ZNF704: variants seen among roughly 807,000 people sequenced by gnomAD.
ZNF704 encodes the protein zinc finger protein 704.
In ZNF704, 10 loss-of-function variants were observed where a neutral mutation model predicts 44.7. The observed-to-expected ratio is 0.22, with a 90% CI of 0.14 to 0.38. The LOEUF is 0.38. Ranked by LOEUF, ZNF704 falls within the 10% of genes least tolerant of loss-of-function variation. The probability of loss-of-function intolerance (pLI) is 1.00; values close to 1 mark genes in which losing one functional copy is unlikely to be tolerated. For missense variants in ZNF704, 390 were observed against 545.5 expected (o/e 0.71, Z 2.84); for synonymous variants, 211 against 207.6 (o/e 1.02, Z -0.14).
chr8:80,753,830 A>G (rs1392924136), intron 2 of ZNF704, among the ~76,000 whole-genome samples: 2 of 152,184 alleles, frequency 1.3e-5, no homozygotes, highest in Non-Finnish European at 2.9e-5. Context: ...GGGTTGATGG[A>G]AAAAATATGC....
chr8:80,852,968 T>C (rs1400459960), intron 1 of ZNF704, among the ~76,000 whole-genome samples: 1 of 152,164 alleles, frequency 6.6e-6, no homozygotes, highest in East Asian at 1.9e-4. Flanking sequence ...TCAAGCACTG[T>C]TAGGTTGCTT....
intron 3 of ZNF704, among the ~76,000 whole-genome samples, chr8:80,689,930 C>T (rs1346402375): frequency 6.6e-6 from 1 of 152,162 alleles, no homozygotes; most frequent in Non-Finnish European, 1.5e-5. Flanking sequence ...GAGACAGGCA[C>T]TGCTGGACTC....
At chr8:80,677,353 G>A (rs1453792521) in intron 4 of ZNF704, among the ~76,000 whole-genome samples, 1 of 152,134 alleles carries the variant, frequency 6.6e-6, no homozygotes, top group East Asian at 1.9e-4. Context: ...AGTAGTTAAG[G>A]TTGGTCCTGA....
At chr8:80,833,245 G>A (rs969004897) in intron 1 of ZNF704, among the ~76,000 whole-genome samples, 11 of 152,184 alleles carry the variant, frequency 7.2e-5, no homozygotes, top group Non-Finnish European at 1.5e-5. Flanking sequence ...AGCTACTCAT[G>A]AGGCTGAGGC....
At chr8:80,789,603 T>C (rs1029961853) in intron 2 of ZNF704, among the ~76,000 whole-genome samples, 2 of 151,936 alleles carry the variant, frequency 1.3e-5, no homozygotes, top group African/African-American at 4.8e-5. Context: ...TTTTAAAAAA[T>C]TGGCCAGGTA....
At chr8:80,799,094 T>G (rs1262277856) in intron 2 of ZNF704, among the ~76,000 whole-genome samples, 1 of 152,202 alleles carries the variant, frequency 6.6e-6, no homozygotes, top group African/African-American at 2.4e-5. Context: ...TAAATAGAAT[T>G]AACCATTCAC....
At chr8:80,710,628 TAAG>T (rs1028353858) in intron 2 of ZNF704, among the ~76,000 whole-genome samples, 5 of 152,164 alleles carry the variant, frequency 3.3e-5, no homozygotes, top group East Asian at 1.9e-4. Context: ...TTGTGTCTTA[TAAG>T]AAGAAGAGAC....
intron 2 of ZNF704, among the ~76,000 whole-genome samples, chr8:80,804,927 G>C (rs181724835): frequency 6.6e-6 from 1 of 152,184 alleles, no homozygotes; most frequent in African/African-American, 2.4e-5. Flanking sequence ...GGTGGGGTGA[G>C]GGACCTGTGG....
the ZNF704 span, among the ~76,000 whole-genome samples, chr8:80,881,654 G>T: frequency 3.3e-5 from 5 of 152,142 alleles, no homozygotes; most frequent in African/African-American, 1.2e-4. Flanking sequence ...TAGGCAGGGC[G>T]CAGTGGCTCA....
rs368372313 is a variant in ZNF704 at position 80,791,221 on chromosome 8, C to T, written c.221+30153G>A. Among the ~76,000 whole-genome samples the T allele has an allele frequency of 7.2e-5, 11 of 152,172 alleles. No homozygotes were observed. In the South Asian group the frequency reaches 8.3e-4, roughly 11 times the overall value. On this transcript the variant is annotated intron_variant, in intron 2 of 8. Transcript: ENST00000327835. ...TTTTCCAGGCACAAGCCTACTTTCA[C>T]TTTTTGGGCAGAAGAGGATAATCAA...
chr8:80,689,486 T>C (rs1187478402), intron 3 of ZNF704, among the ~76,000 whole-genome samples: 1 of 152,194 alleles, frequency 6.6e-6, no homozygotes, highest in Non-Finnish European at 1.5e-5. Flanking sequence ...CAGACTAGAT[T>C]TGCCTATTGT....
intron 2 of ZNF704, among the ~76,000 whole-genome samples, chr8:80,761,228 G>A (rs1807125186): frequency 6.6e-6 from 1 of 152,160 alleles, no homozygotes; most frequent in Non-Finnish European, 1.5e-5. Flanking sequence ...CCGACACCTT[G>A]ATCTTAGACT....
At chr8:80,693,791 G>A (rs758891108) in intron 2 of ZNF704, among the ~76,000 whole-genome samples, 1 of 152,246 alleles carries the variant, frequency 6.6e-6, no homozygotes, top group Non-Finnish European at 1.5e-5. Flanking sequence ...AGTGGCCATG[G>A]AAGGTGTTTT....
chr8:80,767,194 T>C (rs1244480707), intron 2 of ZNF704, among the ~76,000 whole-genome samples: 1 of 152,114 alleles, frequency 6.6e-6, no homozygotes, highest in African/African-American at 2.4e-5. Flanking sequence ...AATTTGACCT[T>C]TGTTCTAAAG....
At chr8:80,813,037 G>A (rs1055287426) in intron 2 of ZNF704, among the ~76,000 whole-genome samples, 6 of 152,158 alleles carry the variant, frequency 3.9e-5, no homozygotes, top group South Asian at 4.1e-4. Flanking sequence ...GGCAACCTAC[G>A]GCACGGGCAT....
intron 2 of ZNF704, among the ~76,000 whole-genome samples, chr8:80,806,410 C>A (rs187117717): frequency 8.5e-5 from 13 of 152,200 alleles, no homozygotes; most frequent in Admixed American, 3.9e-4. Context: ...GTATGTTTTA[C>A]AGCTATTATC....
intron 2 of ZNF704, among the ~76,000 whole-genome samples, chr8:80,756,217 C>A (rs535823109): frequency 1.3e-5 from 2 of 152,206 alleles, no homozygotes; most frequent in East Asian, 3.9e-4. Context: ...ACAGACATAT[C>A]CAAGAGCAGT....
At chr8:80,838,220 G>A (rs921619403) in intron 1 of ZNF704, among the ~76,000 whole-genome samples, 3 of 152,040 alleles carry the variant, frequency 2.0e-5, no homozygotes, top group Non-Finnish European at 4.4e-5. Flanking sequence ...AGCTGGCCTG[G>A]GAATCAACAG....
At chr8:80,793,368 G>A (rs1807744638) in intron 2 of ZNF704, among the ~76,000 whole-genome samples, 2 of 152,148 alleles carry the variant, frequency 1.3e-5, no homozygotes, top group African/African-American at 2.4e-5. Flanking sequence ...ATGGGCTCAA[G>A]ACTCAGATGG....
Sources: allele counts gnomAD v4.1 joint callset (sites outside exome capture counted in the v4.1 genomes callset), GRCh38; gene constraint gnomAD v4.1.1; transcripts MANE v1.5; gene names NCBI Gene and HGNC (gene_info 2026-07-23, HGNC 2026-07-21).